The following LOC128125817 variants were observed in gnomAD, a reference collection of about 807,000 sequenced individuals.
At chr1:41,624,955 G>C in the LOC128125817 span, among the ~76,000 whole-genome samples, 1 of 152,116 alleles carries the variant, frequency 6.6e-6, no homozygotes, top group South Asian at 2.1e-4. Flanking sequence ...CACAAGGTCA[G>C]GAGTTTGAGA....
the LOC128125817 span, among the ~76,000 whole-genome samples, chr1:41,617,880 C>CT: frequency 0.48 from 73,660 of 151,982 alleles, 18,076 homozygotes; most frequent in Non-Finnish European, 0.51. Context: ...TTCTAAGCAT[C>CT]TTTTAGTTCA....
At chr1:41,594,058 C>T in the LOC128125817 span, among the ~76,000 whole-genome samples, 1 of 151,946 alleles carries the variant, frequency 6.6e-6, no homozygotes, top group Non-Finnish European at 1.5e-5. Flanking sequence ...ACATTGAGTC[C>T]ACCTGGATAA....
At chr1:41,608,150 C>A in the LOC128125817 span, among the ~76,000 whole-genome samples, 47 of 152,312 alleles carry the variant, frequency 3.1e-4, no homozygotes, top group South Asian at 9.5e-3. Context: ...TCGTCTATTT[C>A]TCTGACCAGT....
the LOC128125817 span, among the ~76,000 whole-genome samples, chr1:41,594,213 A>G: frequency 1.3e-5 from 2 of 152,266 alleles, no homozygotes; most frequent in East Asian, 1.9e-4. Flanking sequence ...CTTACGTTTC[A>G]GTTATAATTA....
chr1:41,611,220 A>G, the LOC128125817 span, among the ~76,000 whole-genome samples: 1 of 152,206 alleles, frequency 6.6e-6, no homozygotes, highest in Non-Finnish European at 1.5e-5. Context: ...ATGGATGATA[A>G]CGTAACCCAG....
chr1:41,616,309 C>A, the LOC128125817 span, among the ~76,000 whole-genome samples: 1 of 152,294 alleles, frequency 6.6e-6, no homozygotes, highest in East Asian at 1.9e-4. Context: ...TAGAATTAAG[C>A]CCCCAGCCAA....
chr1:41,601,600 C>A, the LOC128125817 span, among the ~76,000 whole-genome samples: 1 of 152,070 alleles, frequency 6.6e-6, no homozygotes, highest in South Asian at 2.1e-4. Flanking sequence ...GATTTTGTAT[C>A]CTGCAACTTT....
At chr1:41,604,753 T>C in the LOC128125817 span, among the ~76,000 whole-genome samples, 1 of 152,190 alleles carries the variant, frequency 6.6e-6, no homozygotes, top group African/African-American at 2.4e-5. Context: ...AGACATACTA[T>C]ATGATTCCAC....
chr1:41,608,041 T>A, the LOC128125817 span, among the ~76,000 whole-genome samples: 1 of 152,198 alleles, frequency 6.6e-6, no homozygotes, highest in African/African-American at 2.4e-5. Context: ...AGTGTTTAGC[T>A]GAGTGGCTGT....
At chr1:41,586,198 A>C in the LOC128125817 span, among the ~76,000 whole-genome samples, 1 of 152,202 alleles carries the variant, frequency 6.6e-6, no homozygotes, top group African/African-American at 2.4e-5. Context: ...GTTGGTCTGC[A>C]TATAGCCCCA....
the LOC128125817 span, among the ~76,000 whole-genome samples, chr1:41,611,400 T>G: frequency 6.6e-6 from 1 of 152,174 alleles, no homozygotes; most frequent in African/African-American, 2.4e-5. Context: ...TAAGAAATGC[T>G]GATGGGGACA....
the LOC128125817 span, among the ~76,000 whole-genome samples, chr1:41,617,422 A>G: frequency 6.6e-6 from 1 of 152,160 alleles, no homozygotes; most frequent in African/African-American, 2.4e-5. Context: ...AACATCTCTG[A>G]CCCTTTTTCT....
the LOC128125817 span, among the ~76,000 whole-genome samples, chr1:41,617,647 A>G: frequency 6.6e-6 from 1 of 152,228 alleles, no homozygotes; most frequent in Non-Finnish European, 1.5e-5. Context: ...TGCACAGGAG[A>G]TATCAACAGT....
At chr1:41,585,741 G>A in the LOC128125817 span, among the ~76,000 whole-genome samples, 3 of 152,120 alleles carry the variant, frequency 2.0e-5, no homozygotes, top group Middle Eastern at 3.2e-3. Context: ...ATCCTGCCTC[G>A]ACTGTGCCTC....
At chr1:41,606,732 T>G in the LOC128125817 span, among the ~76,000 whole-genome samples, 1 of 151,930 alleles carries the variant, frequency 6.6e-6, no homozygotes, top group African/African-American at 2.4e-5. Flanking sequence ...TTTAAAAAAC[T>G]ATTTTTTTCA....
the LOC128125817 span, among the ~76,000 whole-genome samples, chr1:41,628,578 C>T: frequency 1.3e-5 from 2 of 152,176 alleles, no homozygotes; most frequent in African/African-American, 2.4e-5. Flanking sequence ...TACTCCTGAC[C>T]AAGGAAGGTT....
the LOC128125817 span, among the ~76,000 whole-genome samples, chr1:41,617,775 A>G: frequency 6.6e-6 from 1 of 152,258 alleles, no homozygotes; most frequent in Non-Finnish European, 1.5e-5. Context: ...TTTGTGAGAT[A>G]TTAAAGACCA....
the LOC128125817 span, among the ~76,000 whole-genome samples, chr1:41,611,581 A>T: frequency 6.6e-6 from 1 of 152,240 alleles, no homozygotes; most frequent in Non-Finnish European, 1.5e-5. Context: ...TGAGACTGCA[A>T]GCCAAGGCAG....
the LOC128125817 span, among the ~76,000 whole-genome samples, chr1:41,627,535 T>G: frequency 1.3e-5 from 2 of 152,148 alleles, no homozygotes; most frequent in African/African-American, 4.8e-5. Flanking sequence ...GCCCAAGCTG[T>G]CATACTGTGG....
Sources: allele counts gnomAD v4.1 joint callset (sites outside exome capture counted in the v4.1 genomes callset), GRCh38; gene constraint gnomAD v4.1.1; transcripts MANE v1.5.